The following MID1 variants were observed in gnomAD, a reference collection of about 807,000 sequenced individuals.
MID1 encodes E3 ubiquitin-protein ligase Midline-1.
Under a neutral mutation model 40.4 loss-of-function variants are expected in MID1, and 7 were observed. That is an observed-to-expected ratio of 0.17 (90% CI 0.10 to 0.33). The LOEUF (loss-of-function observed/expected upper bound fraction) is 0.33. Among genes scored for constraint, MID1 ranks in the 10% least tolerant of loss-of-function variants. MID1 has a pLI of 1.00. For synonymous variants in MID1, 229 were observed against 221.2 expected, an observed-to-expected ratio of 1.04 and a Z score of -0.31; for missense variants, 367 against 558.5, an observed-to-expected ratio of 0.66 and a Z score of 3.46.
chrX:10,736,037 T>G (rs1299061989), intron 1 of MID1, among the ~76,000 whole-genome samples: 2 of 112,485 alleles, frequency 1.8e-5, no homozygotes, highest in Non-Finnish European at 3.8e-5. Context: ...TCAAATCAGT[T>G]GTCAAAGAGT....
chrX:10,450,148 G>A (rs1184139291), intron 9 of MID1, among the ~76,000 whole-genome samples: 5 of 112,234 alleles, frequency 4.5e-5, no homozygotes, highest in Admixed American at 3.8e-4. Context: ...CTTTAGCTGC[G>A]GCTGGTGAGA....
rs571475671 is a variant in MID1 at position 10,598,263 on chromosome X, C to T, written c.-57+22027G>A. Among the ~76,000 whole-genome samples, 43 of 112,191 alleles carry T rather than the reference C, an allele frequency of 3.8e-4. 1 individual carries two copies. The highest frequency in any genetic ancestry group is 1.4e-3 in the African/African-American group (42 of 30,900). On this transcript the variant is annotated intron_variant, in intron 1 of 9. Coordinates refer to ENST00000317552, the MANE Select transcript of MID1 (RefSeq NM_000381.4). Reference sequence around the variant, plus strand: ...AGAGGAAGAAAAAGTCACAAAACTTCGCTTTGGCCCTTTAACCCTAGGAAA... The same window carrying T: ...AGAGGAAGAAAAAGTCACAAAACTTTGCTTTGGCCCTTTAACCCTAGGAAA...
At chrX:10,795,499 T>C (rs180739064) in intron 1 of MID1, among the ~76,000 whole-genome samples, 1 of 112,242 alleles carries the variant, frequency 8.9e-6, no homozygotes, top group Admixed American at 9.5e-5. Flanking sequence ...CATCCAGCAT[T>C]GCATGCCAAG....
chrX:10,522,351 A>C (rs1932751772), intron 3 of MID1, among the ~76,000 whole-genome samples: 1 of 112,216 alleles, frequency 8.9e-6, no homozygotes, highest in African/African-American at 3.2e-5. Context: ...GCAAGGAAGG[A>C]TCCTCCCCTA....
chrX:10,584,673 C>T (rs1289228900), intron 1 of MID1, among the ~76,000 whole-genome samples: 1 of 112,606 alleles, frequency 8.9e-6, no homozygotes, highest in Admixed American at 9.3e-5. Context: ...TATCAAAAAG[C>T]ATCTCAAAAT....
chrX:10,680,966 C>A (rs113661965), intron 1 of MID1, among the ~76,000 whole-genome samples: 3,293 of 106,480 alleles, frequency 0.031, 72 homozygotes, highest in African/African-American at 0.071. Flanking sequence ...GTGGAGGTTG[C>A]AGTGAGCTGA....
chrX:10,474,854 C>CT (rs1569057273), intron 5 of MID1, 104 bp from the exon 6 acceptor site: 2 of 831,557 alleles, frequency 2.4e-6, no homozygotes, highest in Admixed American at 2.3e-5. Context: ...TTAAAAAGTG[C>CT]TTTTTTACAC....
At chrX:10,641,224 T>G (rs1256984306) in intron 1 of MID1, among the ~76,000 whole-genome samples, 3 of 111,432 alleles carry the variant, frequency 2.7e-5, no homozygotes, top group African/African-American at 9.8e-5. Context: ...AATCAATGAA[T>G]CCAGGAGCTG....
Position 10,465,206 on chromosome X carries a change from TATATATATACACAC to T in MID1, c.1285+4477_1285+4490del, listed in dbSNP as rs1442969315. Among the ~76,000 whole-genome samples the T allele has an allele frequency of 7.4e-3, 511 of 68,683 alleles. 7 individuals carry two copies. Among genetic ancestry groups the T allele is most frequent in the African/African-American group, 0.03 (414 of 13,928 alleles). The allele number at this position is 68,683 out of a possible 115,157, so 59.6% of individuals were successfully genotyped here. A position where few individuals can be genotyped will look rare whatever the true frequency, so the allele number is the denominator to read the frequency against. Reference sequence around the variant, plus strand: ...GAAATTTTATATATATATATATATATATATATATACACACACACACACACACACACACACACACA... The same window carrying T: ...GAAATTTTATATATATATATATATATACACACACACACACACACACACACA... On this transcript the variant is annotated intron_variant, in intron 7 of 9. Coordinates refer to ENST00000317552, the MANE Select transcript of MID1 (RefSeq NM_000381.4).
At chrX:10,465,210 TATATAC>T (rs1165081190) in intron 7 of MID1, among the ~76,000 whole-genome samples, 9 of 62,045 alleles carry the variant, frequency 1.5e-4, no homozygotes, top group African/African-American at 4.6e-4. Context: ...TATATATATA[TATATAC>T]ACACACACAC....
At chrX:10,665,830 G>A (rs1285922933) in intron 1 of MID1, among the ~76,000 whole-genome samples, 1 of 110,864 alleles carries the variant, frequency 9.0e-6, no homozygotes, top group East Asian at 2.8e-4. Flanking sequence ...GCCTGGCCAA[G>A]TAGCCATCTT....
At chrX:10,726,247 T>G (rs1244708022) in intron 1 of MID1, among the ~76,000 whole-genome samples, 1 of 112,350 alleles carries the variant, frequency 8.9e-6, no homozygotes, top group Admixed American at 9.5e-5. Context: ...TACAAATTGA[T>G]AAATTTGGCA....
At chrX:10,676,190 T>C (rs2043022222) in intron 1 of MID1, among the ~76,000 whole-genome samples, 1 of 112,554 alleles carries the variant, frequency 8.9e-6, no homozygotes, top group South Asian at 3.6e-4. Context: ...GCTTTAAAGA[T>C]CCGAGTATCT....
At chrX:10,450,626 G>A (rs1401834150) in intron 9 of MID1, among the ~76,000 whole-genome samples, 2 of 112,085 alleles carry the variant, frequency 1.8e-5, no homozygotes, top group African/African-American at 6.5e-5. Context: ...AATGCCATCC[G>A]TAACCAGAAA....
At chrX:10,732,848 C>T (rs1447379866) in intron 1 of MID1, among the ~76,000 whole-genome samples, 4 of 86,862 alleles carry the variant, frequency 4.6e-5, no homozygotes, top group African/African-American at 8.7e-5. Flanking sequence ...AGTTGATTTT[C>T]TTCTTCTTCT....
At chrX:10,812,707 G>A (rs2044110326) in intron 1 of MID1, among the ~76,000 whole-genome samples, 1 of 111,973 alleles carries the variant, frequency 8.9e-6, no homozygotes, top group African/African-American at 3.2e-5. Context: ...GTCCGTTCCA[G>A]AGAGTGTACA....
intron 1 of MID1, among the ~76,000 whole-genome samples, chrX:10,786,734 A>G (rs1450844606): frequency 1.9e-5 from 2 of 102,651 alleles, no homozygotes; most frequent in Non-Finnish European, 3.9e-5. Flanking sequence ...ACCAAACACC[A>G]CATGTTCTCA....
At chrX:10,817,605 C>A (rs1312778654) in intron 1 of MID1, among the ~76,000 whole-genome samples, 1 of 50,939 alleles carries the variant, frequency 2.0e-5, no homozygotes, top group African/African-American at 7.4e-5. Context: ...TCTTTCTTTT[C>A]TTTTTTCTTT....
At chrX:10,497,150 A>G (rs1321996197) in intron 3 of MID1, among the ~76,000 whole-genome samples, 2 of 112,088 alleles carry the variant, frequency 1.8e-5, no homozygotes, top group Non-Finnish European at 3.8e-5. Flanking sequence ...ACACTCAGTA[A>G]ATTTCTTCTG....
Sources: gnomAD v4.1 joint callset for allele counts (sites outside exome capture counted in the v4.1 genomes callset) on GRCh38, gnomAD v4.1.1 for gene constraint, MANE v1.5 for transcripts, NCBI Gene and HGNC (gene_info 2026-07-23, HGNC 2026-07-21) for gene names.